TNFRSF10B: variants seen among roughly 807,000 people sequenced by gnomAD.
The protein encoded by TNFRSF10B is TNF receptor superfamily member 10b, also known as tumor necrosis factor receptor superfamily member 10B.
Under a neutral mutation model 41.4 loss-of-function variants are expected in TNFRSF10B, and 35 were observed. That is an observed-to-expected ratio of 0.85 (90% CI 0.65 to 1.12). The LOEUF (loss-of-function observed/expected upper bound fraction) is 1.12, where lower values mean the gene tolerates loss of function less well. Ranked by LOEUF, TNFRSF10B falls within the 50% of genes most tolerant of loss-of-function variation. The probability of loss-of-function intolerance (pLI) is 0.00; values close to 1 mark genes in which losing one functional copy is unlikely to be tolerated. For missense variants in TNFRSF10B, 584 were observed against 552.7 expected (o/e 1.06, Z -0.57); for synonymous variants, 230 against 215.5 (o/e 1.07, Z -0.59).
Position 23,022,222 on chromosome 8 carries a change from T to C in TNFRSF10B, c.*449A>G, listed in dbSNP as rs546242058. ...CTATAGTGAGCCAAGATTGCACCAT[T>C]GCACTCCAGCCTGGGAGACAGAGTG... On this transcript the variant is annotated 3_prime_UTR_variant, in exon 9 of 9. Transcript: ENST00000276431. 8 of 453,018 alleles carry C rather than the reference T, an allele frequency of 1.8e-5. No homozygotes were observed. In the East Asian group the frequency reaches 4.9e-4, roughly 28 times the overall value. The allele number at this position is 453,018 out of a possible 1,614,324, so 28.1% of individuals were successfully genotyped here.
At position 23,022,988 on chromosome 8, in the gene TNFRSF10B, G is replaced by A. The variant is rs552436080; in HGVS notation, c.1010-4C>T. Reference sequence around the variant, plus strand: ...TCATCGAAGCACTGTCTCAGAGCTGGTGGAGAAAGCCACAGAGACAGCCAG... The same window carrying A: ...TCATCGAAGCACTGTCTCAGAGCTGATGGAGAAAGCCACAGAGACAGCCAG... On this transcript the variant is annotated splice_region_variant and splice_polypyrimidine_tract_variant and intron_variant, in intron 8 of 8. Coordinates refer to ENST00000276431, the MANE Select transcript of TNFRSF10B (RefSeq NM_003842.5). 3.1e-6 allele frequency: 5 copies of A among 1,610,102 alleles called. No individual in the cohort carries two copies. In the African/African-American group the frequency reaches 6.7e-5, roughly 21 times the overall value.
intron 1 of TNFRSF10B, among the ~76,000 whole-genome samples, chr8:23,059,948 G>T (rs1044052311): frequency 1.3e-5 from 2 of 152,190 alleles, no homozygotes; most frequent in South Asian, 4.1e-4. Flanking sequence ...TTGCTTTGGA[G>T]AAATGTTTAT....
Position 23,022,755 on chromosome 8 carries a change from A to G in TNFRSF10B, c.1239T>C (p.Leu413=). The change falls in exon 9 of 9, where the codon CTT becomes CTC. Residue 413 remains leucine, a synonymous_variant. Transcript: ENST00000276431. The part of the protein sequence containing the change: ...LDALETLGER[L]AKQKIEDHLL... ...AGTGGTCCTCAATCTTCTGCTTGGC[A>G]AGTCTCTCTCCCAGCGTCTCCAAGG... is the stretch of plus-strand genomic sequence containing the variant. 6.2e-7 allele frequency: 1 copy of G among 1,613,960 alleles called. No homozygotes were observed. The highest frequency in any genetic ancestry group is 8.5e-7 in the Non-Finnish European group (1 of 1,179,978).
rs910725463 is a variant in TNFRSF10B, at chr8:23,022,537, G to A, written c.*134C>T. ...CAGGATGTTCCATCCACTGGGTGAT[G>A]TTGGATGGGAGAGTTTCTTCCAGTA... On this transcript the variant is annotated 3_prime_UTR_variant, in exon 9 of 9. Coordinates refer to ENST00000276431, the MANE Select transcript of TNFRSF10B (RefSeq NM_003842.5). The A allele has an allele frequency of 2.2e-6, 2 of 920,002 alleles. No individual in the cohort carries two copies. The highest frequency in any genetic ancestry group is 1.7e-6 in the Non-Finnish European group (1 of 577,958). The allele number at this position is 920,002 out of a possible 1,614,324, so 57.0% of individuals were successfully genotyped here.
At chr8:23,052,017 T>C (rs1437833233) in intron 1 of TNFRSF10B, among the ~76,000 whole-genome samples, 1 of 152,184 alleles carries the variant, frequency 6.6e-6, no homozygotes, top group Non-Finnish European at 1.5e-5. Context: ...TTAGGTCAGA[T>C]CATTTTCACT....
intron 1 of TNFRSF10B, among the ~76,000 whole-genome samples, chr8:23,062,764 G>A (rs557482519): frequency 7.9e-5 from 12 of 152,014 alleles, no homozygotes; most frequent in African/African-American, 2.2e-4. Context: ...TTTGAAATTC[G>A]GTCATATTTT....
In TNFRSF10B at chr8:23,022,807, T is replaced by A. The variant is rs1306046214; in HGVS notation, c.1187A>T (p.Asp396Val). 1 of 1,613,882 alleles carries A rather than the reference T, an allele frequency of 6.2e-7. No individual in the cohort carries two copies. The highest frequency in any genetic ancestry group is 8.5e-7 in the Non-Finnish European group (1 of 1,179,860). The change falls in exon 9 of 9, where the codon GAT becomes GTT. Residue 396 changes from aspartate to valine, a missense_variant. Transcript: ENST00000276431. ...ATCCAGCAGGGTGTGGACAGAGGCA[T>A]CTCGCCCGGTTTTGTTGACCCACTT... ...LIKWVNKTGR[D>V]ASVHTLLDAL...
chr8:23,020,963 A>ACC lies in TNFRSF10B; in HGVS notation c.*1706_*1707dup, dbSNP rs759158824. ...TGGAAGTGCAAAGACCAGAAAGGTC[A>ACC]CCCCCCACTCCTAAAACTCCACAGA... On this transcript the variant is annotated 3_prime_UTR_variant, in exon 9 of 9. Transcript: ENST00000276431. 8 of 453,856 alleles carry ACC rather than the reference A, an allele frequency of 1.8e-5. No homozygotes were observed. Among genetic ancestry groups the ACC allele is most frequent in the African/African-American group, 1.6e-4 (8 of 49,930 alleles). 28.1% of individuals were successfully genotyped at this position (453,856 alleles called of 1,614,324 possible).
intron 1 of TNFRSF10B, among the ~76,000 whole-genome samples, chr8:23,054,959 T>G (rs1255089361): frequency 6.6e-6 from 1 of 152,186 alleles, no homozygotes; most frequent in Non-Finnish European, 1.5e-5. Flanking sequence ...GATTTGTCTT[T>G]TAATAAAAAT....
chr8:23,048,932 A>T (rs536106625), intron 1 of TNFRSF10B, among the ~76,000 whole-genome samples: 22 of 152,292 alleles, frequency 1.4e-4, no homozygotes, highest in East Asian at 7.7e-4. Context: ...AAAAATTTTT[A>T]AAAAATTTTA....
intron 1 of TNFRSF10B, among the ~76,000 whole-genome samples, chr8:23,049,136 G>C (rs1303321131): frequency 6.6e-6 from 1 of 152,050 alleles, no homozygotes. Flanking sequence ...ACACACACTG[G>C]GAAAAACAGT....
At position 23,029,695 on chromosome 8, in the gene TNFRSF10B, T is replaced by C. The variant is rs1467704241; in HGVS notation, c.391A>G (p.Thr131Ala). Residue 131 changes from threonine (T) to alanine (A), a missense_variant, in exon 4 of 9, where the codon ACG (threonine) becomes GCG (alanine). Coordinates refer to ENST00000276431, the MANE Select transcript of TNFRSF10B (RefSeq NM_003842.5). ...CACTGACACACTGTGTTTCTGGTCG[T>C]GGTGCAGGGACTTAGCTCCACTTCA... ...SGEVELSPCT[T>A]TRNTVCQCEE... 1 of 1,614,018 alleles carries C rather than the reference T, an allele frequency of 6.2e-7. No individual in the cohort carries two copies. The highest frequency in any genetic ancestry group is 1.1e-5 in the South Asian group (1 of 91,038).
At chr8:23,043,321 G>A in intron 1 of TNFRSF10B, 78 bp from the exon 2 acceptor site, 1 of 1,153,288 alleles carries the variant, frequency 8.7e-7, no homozygotes, top group Non-Finnish European at 1.3e-6. Flanking sequence ...ATTCTCTTGA[G>A]CCCAGGCACC....
At chr8:23,066,771 C>G (rs530473504) in intron 1 of TNFRSF10B, among the ~76,000 whole-genome samples, 227 of 152,064 alleles carry the variant, frequency 1.5e-3, no homozygotes, top group African/African-American at 5.2e-3. Context: ...GTGGTGCATG[C>G]CTGTAGTCCC....
At chr8:23,061,053 A>G (rs1333964873) in intron 1 of TNFRSF10B, among the ~76,000 whole-genome samples, 1 of 152,160 alleles carries the variant, frequency 6.6e-6, no homozygotes, top group Non-Finnish European at 1.5e-5. Context: ...CCCCACGGCA[A>G]TTACCCATAA....
chr8:23,067,451 A>AG (rs1813022033), intron 1 of TNFRSF10B, among the ~76,000 whole-genome samples: 2 of 152,124 alleles, frequency 1.3e-5, no homozygotes, highest in African/African-American at 4.8e-5. Flanking sequence ...GAGATAAAAA[A>AG]AAAACCCCAC....
intron 1 of TNFRSF10B, chr8:23,068,377 G>T: frequency 3.2e-6 from 1 of 309,892 alleles, no homozygotes; most frequent in South Asian, 3.6e-5. Flanking sequence ...GGAAGGAAGG[G>T]AGGGAAAGAA....
chr8:23,065,869 A>C (rs1297056875), intron 1 of TNFRSF10B, among the ~76,000 whole-genome samples: 1 of 152,242 alleles, frequency 6.6e-6, no homozygotes, highest in African/African-American at 2.4e-5. Context: ...ATCAACAGAA[A>C]CAGTGGCCGT....
chr8:23,043,317 T>G, intron 1 of TNFRSF10B, 74 bp from the exon 2 acceptor site: 4 of 1,229,156 alleles, frequency 3.3e-6, no homozygotes, highest in African/African-American at 1.5e-5. Flanking sequence ...TCACATTCTC[T>G]TGAGCCCAGG....
Sources: gnomAD v4.1 joint callset for allele counts (sites outside exome capture counted in the v4.1 genomes callset) on GRCh38, gnomAD v4.1.1 for gene constraint, MANE v1.5 for transcripts, NCBI Gene and HGNC (gene_info 2026-07-23, HGNC 2026-07-21) for gene names.